ZDHHC21: variants seen among roughly 807,000 people sequenced by gnomAD.
ZDHHC21 encodes the protein zDHHC palmitoyltransferase 21.
A neutral mutation model predicts 34.6 loss-of-function variants in ZDHHC21; 15 were observed. That is an observed-to-expected ratio of 0.43 (90% CI 0.29 to 0.67). The LOEUF (loss-of-function observed/expected upper bound fraction) is 0.67, where lower values mean the gene tolerates loss of function less well. Among genes scored for constraint, ZDHHC21 ranks in the 30% least tolerant of loss-of-function variants. The pLI, the probability that ZDHHC21 is intolerant of heterozygous loss-of-function variation, is 0.14. For missense variants in ZDHHC21, 344 were observed against 327.7 expected (o/e 1.05, Z -0.38); for synonymous variants, 142 against 101.8 (o/e 1.40, Z -2.38).
intron 3 of ZDHHC21, among the ~76,000 whole-genome samples, chr9:14,675,625 C>T (rs1361456416): frequency 1.3e-5 from 2 of 151,954 alleles, no homozygotes; most frequent in Non-Finnish European, 2.9e-5. Flanking sequence ...CACTACACAC[C>T]TATCACTTGC....
intron 1 of ZDHHC21, among the ~76,000 whole-genome samples, 199 bp downstream of exon 1, chr9:14,693,023 AGGCCTGG>A (rs1374515735): frequency 9.9e-5 from 15 of 152,004 alleles, no homozygotes; most frequent in African/African-American, 3.4e-4. Flanking sequence ...GAAAAAGGCC[AGGCCTGG>A]GGCGGGGAGG....
intron 7 of ZDHHC21, among the ~76,000 whole-genome samples, chr9:14,652,848 G>A (rs555429499): frequency 1.3e-5 from 2 of 152,016 alleles, no homozygotes; most frequent in East Asian, 1.9e-4. Flanking sequence ...TAAAAAACAA[G>A]AAAAGAAAAA....
chr9:14,629,697 C>G (rs781580552), intron 8 of ZDHHC21, among the ~76,000 whole-genome samples: 10 of 152,062 alleles, frequency 6.6e-5, no homozygotes, highest in Non-Finnish European at 1.2e-4. Flanking sequence ...GGGGTCTTAC[C>G]TCCAAGTTGA....
At chr9:14,664,202 G>A (rs1053457059) in intron 5 of ZDHHC21, among the ~76,000 whole-genome samples, 31 of 106,156 alleles carry the variant, frequency 2.9e-4, no homozygotes, top group African/African-American at 9.7e-4. Context: ...CTCGGGAAGC[G>A]CAAGGGGTCA....
intron 2 of ZDHHC21, among the ~76,000 whole-genome samples, chr9:14,681,814 G>A (rs906986593): frequency 7.2e-5 from 11 of 151,822 alleles, no homozygotes; most frequent in African/African-American, 2.4e-4. Flanking sequence ...TGGGCAGATC[G>A]AAGCCCATCA....
At chr9:14,602,234 T>A in the ZDHHC21 span, among the ~76,000 whole-genome samples, 1 of 151,592 alleles carries the variant, frequency 6.6e-6, no homozygotes, top group African/African-American at 2.4e-5. Flanking sequence ...GCTTCAACAA[T>A]AGACTAGATC....
the ZDHHC21 span, among the ~76,000 whole-genome samples, chr9:14,605,079 T>C: frequency 6.6e-6 from 1 of 152,192 alleles, no homozygotes; most frequent in Admixed American, 6.5e-5. Flanking sequence ...ATTGTACGTA[T>C]ATACTAAATT....
chr9:14,654,624 T>C (rs983084917), intron 7 of ZDHHC21, among the ~76,000 whole-genome samples: 3 of 151,818 alleles, frequency 2.0e-5, no homozygotes, highest in South Asian at 4.2e-4. Context: ...TTTAAAAAAA[T>C]AGATGACAAA....
intron 4 of ZDHHC21, among the ~76,000 whole-genome samples, chr9:14,673,570 G>C (rs1422210748): frequency 1.3e-5 from 2 of 150,632 alleles, no homozygotes; most frequent in Admixed American, 6.6e-5. Flanking sequence ...GGAATAGTCT[G>C]AGTGCTCAAT....
At chr9:14,656,440 T>C (rs1832225759) in intron 7 of ZDHHC21, among the ~76,000 whole-genome samples, 2 of 151,910 alleles carry the variant, frequency 1.3e-5, no homozygotes, top group African/African-American at 2.4e-5. Context: ...AATTACTTCA[T>C]TCATTGAGAT....
At chr9:14,689,522 T>C (rs1020981918) in intron 2 of ZDHHC21, among the ~76,000 whole-genome samples, 28 of 152,236 alleles carry the variant, frequency 1.8e-4, no homozygotes, top group African/African-American at 4.8e-4. Context: ...CTGGGCAAAA[T>C]TGAGCATAAG....
In ZDHHC21 at chr9:14,618,255, T is replaced by C. The variant is rs1824629951; in HGVS notation, c.*711A>G. On this transcript the variant is annotated 3_prime_UTR_variant, in exon 10 of 10. Coordinates refer to ENST00000380916, the MANE Select transcript of ZDHHC21 (RefSeq NM_178566.6). Reference sequence around the variant, plus strand: ...TAATCACAATCAATAATTACAACAGTAATAGTGAAAATTGAAAAAATTATT... The same window carrying C: ...TAATCACAATCAATAATTACAACAGCAATAGTGAAAATTGAAAAAATTATT... 6.6e-6 allele frequency: 1 copy of C among 152,486 alleles called. No individual in the cohort carries two copies. The highest frequency in any genetic ancestry group is 6.6e-5 in the Admixed American group (1 of 15,242). 9.4% of individuals were successfully genotyped at this position (152,486 alleles called of 1,614,324 possible).
At chr9:14,595,823 T>C in the ZDHHC21 span, among the ~76,000 whole-genome samples, 1 of 152,236 alleles carries the variant, frequency 6.6e-6, no homozygotes, top group Non-Finnish European at 1.5e-5. Context: ...TCAGTCAATA[T>C]GCACATAAAA....
chr9:14,659,896 G>A (rs919058097), intron 6 of ZDHHC21, among the ~76,000 whole-genome samples: 2 of 152,110 alleles, frequency 1.3e-5, no homozygotes, highest in African/African-American at 2.4e-5. Context: ...ACTCAAAAGT[G>A]CTCTTCAACA....
At chr9:14,693,036 G>A (rs543420744) in intron 1 of ZDHHC21, among the ~76,000 whole-genome samples, 193 bp downstream of exon 1, 1 of 152,056 alleles carries the variant, frequency 6.6e-6, no homozygotes, top group South Asian at 2.1e-4. Flanking sequence ...CCTGGGGCGG[G>A]GAGGCACCGA....
downstream of ZDHHC21, among the ~76,000 whole-genome samples, chr9:14,609,005 G>T (rs918686902): frequency 6.6e-5 from 10 of 152,098 alleles, no homozygotes; most frequent in African/African-American, 2.4e-4. Context: ...TTTTAGCAGT[G>T]GACGTTTCTT....
At chr9:14,630,872 G>A (rs1486918097) in intron 8 of ZDHHC21, among the ~76,000 whole-genome samples, 1 of 152,198 alleles carries the variant, frequency 6.6e-6, no homozygotes, top group Non-Finnish European at 1.5e-5. Context: ...TATTCAGCAA[G>A]CCATGCTGTA....
At chr9:14,678,630 A>C (rs1836840123) in intron 3 of ZDHHC21, among the ~76,000 whole-genome samples, 1 of 152,122 alleles carries the variant, frequency 6.6e-6, no homozygotes. Context: ...ATGTATCAAA[A>C]GGTAAAACTC....
downstream of ZDHHC21, among the ~76,000 whole-genome samples, chr9:14,610,308 A>G (rs7048089): frequency 0.17 from 26,211 of 151,846 alleles, 3,282 homozygotes; most frequent in African/African-American, 0.32. Flanking sequence ...GCTACTTAGA[A>G]TCAAAACAAA....
Sources: allele counts gnomAD v4.1 joint callset (sites outside exome capture counted in the v4.1 genomes callset), GRCh38; gene constraint gnomAD v4.1.1; transcripts MANE v1.5; gene names NCBI Gene and HGNC (gene_info 2026-07-23, HGNC 2026-07-21).